The following MINDY3 variants were observed in gnomAD, a reference collection of about 807,000 sequenced individuals.
MINDY3 encodes ubiquitin carboxyl-terminal hydrolase MINDY-3.
MINDY3 carries 38 observed loss-of-function variants against 69.2 expected under a neutral mutation model. The ratio of observed to expected loss-of-function variants is 0.55; its 90% CI spans 0.42 to 0.72. The LOEUF is 0.72. Ranked by LOEUF, MINDY3 falls within the 30% of genes least tolerant of loss-of-function variation. The pLI, the probability that MINDY3 is intolerant of heterozygous loss-of-function variation, is 0.00. For synonymous variants in MINDY3, 192 were observed against 180.1 expected, an observed-to-expected ratio of 1.07 and a Z score of -0.53; for missense variants, 522 against 519.0, an observed-to-expected ratio of 1.01 and a Z score of -0.06.
At chr10:15,830,545 T>C (rs1840386587) in intron 8 of MINDY3, among the ~76,000 whole-genome samples, 2 of 152,214 alleles carry the variant, frequency 1.3e-5, no homozygotes, top group Non-Finnish European at 1.5e-5. Flanking sequence ...AGTGCTGTAA[T>C]ACATATGTGA....
intron 14 of MINDY3, 33 bp from the exon 15 acceptor site, chr10:15,779,174 C>A: frequency 6.3e-7 from 1 of 1,598,314 alleles, no homozygotes; most frequent in South Asian, 1.1e-5. Context: ...CAAGGTCAAG[C>A]AACAGTCTTA....
intron 13 of MINDY3, among the ~76,000 whole-genome samples, chr10:15,784,308 G>C (rs1836783942): frequency 6.6e-6 from 1 of 152,080 alleles, no homozygotes; most frequent in African/African-American, 2.4e-5. Flanking sequence ...TTTTCTTCCT[G>C]CATCAGCCTC....
At chr10:15,825,817 G>T (rs989602537) in intron 8 of MINDY3, among the ~76,000 whole-genome samples, 17 of 152,040 alleles carry the variant, frequency 1.1e-4, no homozygotes, top group Non-Finnish European at 4.4e-5. Context: ...AATTAGCTAT[G>T]CATTTGACTG....
chr10:15,779,218 G>T lies in MINDY3; in HGVS notation c.1189-77C>A, dbSNP rs144353105. 912 of 1,336,402 alleles carry T rather than the reference G, an allele frequency of 6.8e-4. 7 individuals are homozygous for T. The African/African-American group carries it at 0.012, about 18-fold the overall frequency. The allele number at this position is 1,336,402 out of a possible 1,614,324, so 82.8% of individuals were successfully genotyped here. On this transcript the variant is annotated intron_variant, in intron 14 of 14. Transcript: ENST00000277632. ...TTATGTGGAATGAAAACAATTTTTA[G>T]AGGCTAGCAAATAAGGTATTACATA...
intron 2 of MINDY3, among the ~76,000 whole-genome samples, chr10:15,847,189 C>T (rs1833911616): frequency 6.6e-6 from 1 of 152,144 alleles, no homozygotes; most frequent in African/African-American, 2.4e-5. Context: ...ATCAGTATTA[C>T]AGTAAACTGA....
intron 3 of MINDY3, among the ~76,000 whole-genome samples, chr10:15,841,970 T>C (rs1311170088): frequency 1.3e-5 from 2 of 151,792 alleles, no homozygotes; most frequent in Non-Finnish European, 3.0e-5. Flanking sequence ...TAAAGGCCTG[T>C]TGAAACCTCT....
intron 1 of MINDY3, among the ~76,000 whole-genome samples, chr10:15,849,042 T>G (rs1834077371): frequency 6.6e-6 from 1 of 152,148 alleles, no homozygotes; most frequent in South Asian, 2.1e-4. Flanking sequence ...CTAGTGCAGG[T>G]GAAGAGAGAC....
chr10:15,785,517 A>G (rs933853907), intron 13 of MINDY3, among the ~76,000 whole-genome samples: 1 of 152,190 alleles, frequency 6.6e-6, no homozygotes, highest in African/African-American at 2.4e-5. Context: ...TCAAAGTTTA[A>G]GATGGTATAA....
At chr10:15,853,750 T>C (rs1346359111) in intron 1 of MINDY3, among the ~76,000 whole-genome samples, 1 of 151,742 alleles carries the variant, frequency 6.6e-6, no homozygotes, top group Non-Finnish European at 1.5e-5. Context: ...TTTTTTTTAA[T>C]GGAGTGCTGC....
chr10:15,824,957 A>G (rs946598369), intron 8 of MINDY3, among the ~76,000 whole-genome samples: 5 of 152,186 alleles, frequency 3.3e-5, no homozygotes, highest in African/African-American at 1.2e-4. Flanking sequence ...TTCTTATGAT[A>G]GTTTCAAGAG....
intron 2 of MINDY3, among the ~76,000 whole-genome samples, chr10:15,844,087 C>T (rs1415285087): frequency 6.6e-6 from 1 of 152,126 alleles, no homozygotes; most frequent in Non-Finnish European, 1.5e-5. Context: ...CCTGGCTCCA[C>T]TATTACTAAC....
chr10:15,854,626 G>C (rs1486384920), intron 1 of MINDY3, among the ~76,000 whole-genome samples: 1 of 152,020 alleles, frequency 6.6e-6, no homozygotes, highest in East Asian at 1.9e-4. Flanking sequence ...TATTGAGAGT[G>C]AGAGGAATGA....
intron 4 of MINDY3, among the ~76,000 whole-genome samples, chr10:15,840,002 A>AT (rs1306449458): frequency 6.6e-6 from 1 of 151,696 alleles, no homozygotes; most frequent in Non-Finnish European, 1.5e-5. Flanking sequence ...ACTGCATAGC[A>AT]TATTTCATAG....
At chr10:15,816,297 TAAAAA>T (rs796119725) in intron 10 of MINDY3, among the ~76,000 whole-genome samples, 14 of 124,252 alleles carry the variant, frequency 1.1e-4, no homozygotes, top group African/African-American at 3.4e-4. Context: ...AGAAAAAAAA[TAAAAA>T]AGACAAGAAA....
At chr10:15,813,752 G>C (rs1588568926) in intron 10 of MINDY3, among the ~76,000 whole-genome samples, 1 of 152,004 alleles carries the variant, frequency 6.6e-6, no homozygotes, top group African/African-American at 2.4e-5. Flanking sequence ...TTCTTCACAG[G>C]CATTTCACAA....
chr10:15,846,262 C>T (rs1451684948), intron 2 of MINDY3, among the ~76,000 whole-genome samples: 1 of 152,126 alleles, frequency 6.6e-6, no homozygotes, highest in Non-Finnish European at 1.5e-5. Context: ...AAACAGGAAA[C>T]TCCTGTGGTA....
chr10:15,857,571 A>G (rs1052271526), intron 1 of MINDY3, among the ~76,000 whole-genome samples: 1 of 152,084 alleles, frequency 6.6e-6, no homozygotes, highest in African/African-American at 2.4e-5. Flanking sequence ...GCAATTGAGC[A>G]GGAGGAAAGC....
chr10:15,794,920 C>A (rs2131876394), intron 11 of MINDY3, among the ~76,000 whole-genome samples: 1 of 152,036 alleles, frequency 6.6e-6, no homozygotes, highest in Non-Finnish European at 1.5e-5. Flanking sequence ...TTTTTTCATG[C>A]CTTTATTCTT....
intron 1 of MINDY3, among the ~76,000 whole-genome samples, chr10:15,848,647 AAAAAAAAAAAAAAAAG>A (rs1439487328): frequency 1.6e-4 from 22 of 136,784 alleles, no homozygotes; most frequent in South Asian, 2.4e-4. Context: ...AAAAAAAAAA[AAAAAAAAAAAAAAAAG>A]AAAGAAAAAT....
Sources: gnomAD v4.1 joint callset for allele counts (sites outside exome capture counted in the v4.1 genomes callset) on GRCh38, gnomAD v4.1.1 for gene constraint, MANE v1.5 for transcripts, NCBI Gene and HGNC (gene_info 2026-07-23, HGNC 2026-07-21) for gene names.